E2F5: variants seen among roughly 807,000 people sequenced by gnomAD.
E2F5 encodes E2F transcription factor 5.
In E2F5, 23 loss-of-function variants were observed where a neutral mutation model predicts 39.1. The ratio of observed to expected loss-of-function variants is 0.59; its 90% CI spans 0.42 to 0.83. The LOEUF is 0.83. Ranked by LOEUF, E2F5 falls within the 40% of genes least tolerant of loss-of-function variation. The pLI is 0.00. For synonymous variants in E2F5, 145 were observed against 157.8 expected, an observed-to-expected ratio of 0.92 and a Z score of 0.61; for missense variants, 365 against 406.7, an observed-to-expected ratio of 0.90 and a Z score of 0.88.
chr8:85,181,516 T>TTTC (rs1812213361), intron 1 of E2F5, among the ~76,000 whole-genome samples: 1 of 149,268 alleles, frequency 6.7e-6, no homozygotes, highest in African/African-American at 2.5e-5. Context: ...TTTTTTTTTT[T>TTTC]GTATTTTTAG....
chr8:85,182,933 C>T (rs1485576454), intron 1 of E2F5, among the ~76,000 whole-genome samples: 1 of 152,158 alleles, frequency 6.6e-6, no homozygotes, highest in Non-Finnish European at 1.5e-5. Context: ...GATTTAGATA[C>T]ATCCTGGGAT....
At chr8:85,212,011 G>A (rs1587503128) in intron 6 of E2F5, 146 bp from the exon 7 acceptor site, 17 of 576,298 alleles carry the variant, frequency 2.9e-5, no homozygotes, top group East Asian at 1.6e-4. Context: ...CAGAGTAAGC[G>A]CTCATGAAAA....
chr8:85,213,612 A>T, intron 7 of E2F5, 141 bp from the exon 8 acceptor site: 1 of 457,646 alleles, frequency 2.2e-6, no homozygotes, highest in South Asian at 3.5e-5. Context: ...CAATGTACAA[A>T]TTGTTACTAA....
intron 4 of E2F5, among the ~76,000 whole-genome samples, chr8:85,206,494 G>A (rs972604181): frequency 6.6e-6 from 1 of 152,212 alleles, no homozygotes; most frequent in African/African-American, 2.4e-5. Flanking sequence ...CTAAATCAGA[G>A]CGGGATTAAG....
At chr8:85,198,495 C>T (rs1020483496) in intron 1 of E2F5, among the ~76,000 whole-genome samples, 12 of 152,186 alleles carry the variant, frequency 7.9e-5, no homozygotes, top group Admixed American at 7.9e-4. Flanking sequence ...CTTTCAGCCC[C>T]ACCTCTCTGC....
chr8:85,189,079 A>T (rs1037703324), intron 1 of E2F5, among the ~76,000 whole-genome samples: 2 of 152,152 alleles, frequency 1.3e-5, no homozygotes, highest in Non-Finnish European at 2.9e-5. Context: ...TAAATAAATC[A>T]TTGTTTTAAT....
chr8:85,187,354 C>T (rs1339990120), intron 1 of E2F5, among the ~76,000 whole-genome samples: 1 of 152,054 alleles, frequency 6.6e-6, no homozygotes, highest in African/African-American at 2.4e-5. Flanking sequence ...TATTTACTGT[C>T]TCTACGTTCT....
At chr8:85,179,077 G>T (rs936280106) in intron 1 of E2F5, among the ~76,000 whole-genome samples, 4 of 151,986 alleles carry the variant, frequency 2.6e-5, no homozygotes, top group Non-Finnish European at 5.9e-5. Flanking sequence ...GTGATTTATG[G>T]CATGTGTAGT....
At chr8:85,190,362 T>G (rs549969072) in intron 1 of E2F5, among the ~76,000 whole-genome samples, 1 of 152,214 alleles carries the variant, frequency 6.6e-6, no homozygotes, top group Admixed American at 6.5e-5. Flanking sequence ...TAGATGTTTT[T>G]GTAGGCAGAA....
intron 3 of E2F5, among the ~76,000 whole-genome samples, chr8:85,203,688 ACAAT>A (rs1812742025): frequency 1.3e-5 from 2 of 151,782 alleles, no homozygotes; most frequent in South Asian, 4.1e-4. Flanking sequence ...TGATGTGTCC[ACAAT>A]CAATCCTTGA....
chr8:85,202,045 A>G (rs878922526), intron 1 of E2F5, 102 bp from the exon 2 acceptor site: 19 of 950,782 alleles, frequency 2.0e-5, no homozygotes, highest in African/African-American at 2.0e-4. Context: ...GAGTGGGTCA[A>G]ATTTGAGATT....
chr8:85,189,080 T>C (rs1423158521), intron 1 of E2F5, among the ~76,000 whole-genome samples: 1 of 152,182 alleles, frequency 6.6e-6, no homozygotes, highest in East Asian at 1.9e-4. Context: ...AAATAAATCA[T>C]TGTTTTAATT....
intron 1 of E2F5, among the ~76,000 whole-genome samples, chr8:85,184,531 G>A (rs375910046): frequency 2.1e-4 from 32 of 152,330 alleles, no homozygotes; most frequent in South Asian, 4.1e-4. Context: ...TCAGGCAAGA[G>A]AAATAAATAA....
intron 6 of E2F5, 75 bp downstream of exon 6, chr8:85,209,484 G>T: frequency 6.8e-7 from 1 of 1,474,262 alleles, no homozygotes; most frequent in East Asian, 2.5e-5. Context: ...TATCCAAAGT[G>T]CTTGTGACCA....
At chr8:85,186,159 C>T (rs1812328519) in intron 1 of E2F5, among the ~76,000 whole-genome samples, 1 of 152,142 alleles carries the variant, frequency 6.6e-6, no homozygotes, top group African/African-American at 2.4e-5. Context: ...CACATATACA[C>T]CATGGAATAC....
chr8:85,191,589 A>T (rs1450330327), intron 1 of E2F5, among the ~76,000 whole-genome samples: 1 of 152,202 alleles, frequency 6.6e-6, no homozygotes, highest in Non-Finnish European at 1.5e-5. Context: ...GTTTTGTCTT[A>T]AACAACTACA....
At chr8:85,192,087 C>T (rs756937945) in intron 1 of E2F5, among the ~76,000 whole-genome samples, 5 of 152,106 alleles carry the variant, frequency 3.3e-5, no homozygotes, top group Non-Finnish European at 7.3e-5. Flanking sequence ...GTGGAAGTGA[C>T]AGAACCTGGT....
chr8:85,191,263 G>A (rs533468200), intron 1 of E2F5, among the ~76,000 whole-genome samples: 1 of 152,282 alleles, frequency 6.6e-6, no homozygotes, highest in South Asian at 2.1e-4. Context: ...TAGAATCTAA[G>A]AATAGGATGG....
intron 3 of E2F5, 21 bp from the exon 4 acceptor site, chr8:85,206,156 C>T (rs1382124756): frequency 6.2e-7 from 1 of 1,610,968 alleles, no homozygotes; most frequent in Middle Eastern, 1.7e-4. Flanking sequence ...AAATGTCGTT[C>T]CTTAACTCCT....
Sources: gnomAD v4.1 joint callset for allele counts (sites outside exome capture counted in the v4.1 genomes callset) on GRCh38, gnomAD v4.1.1 for gene constraint, MANE v1.5 for transcripts, NCBI Gene and HGNC (gene_info 2026-07-23, HGNC 2026-07-21) for gene names.